The following CAPN7 variants were observed in gnomAD, a reference collection of about 807,000 sequenced individuals.
CAPN7 encodes the protein calpain 7.
A neutral mutation model predicts 115.2 loss-of-function variants in CAPN7; 72 were observed. The ratio of observed to expected loss-of-function variants is 0.63; its 90% CI spans 0.52 to 0.76. The LOEUF is 0.76. CAPN7 is among the 30% of genes least tolerant of loss of function. The pLI is 0.00. For synonymous variants in CAPN7, 344 were observed against 322.3 expected (o/e 1.07, Z -0.72); for missense variants, 905 against 971.5 (o/e 0.93, Z 0.91).
Position 15,240,549 on chromosome 3 carries a change from A to G in CAPN7, c.1484A>G (p.Lys495Arg). The change falls in exon 13 of 21, where the codon AAA becomes AGA. Residue 495 changes from lysine to arginine, a missense_variant. Transcript: ENST00000253693. The part of the protein sequence containing the change: ...WKGRYSENDV[K>R]NWTPELQKYL... ...GGAAGATACAGTGAAAATGATGTAA[A>G]AAACTGGACTCCAGAGTTGCAAAAG... 1 of 1,613,440 alleles carries G rather than the reference A, an allele frequency of 6.2e-7. No individual in the cohort carries two copies. Among genetic ancestry groups the G allele is most frequent in the Non-Finnish European group, 8.5e-7 (1 of 1,179,802 alleles).
Position 15,236,010 on chromosome 3 carries a change from A to C in CAPN7, c.1407+865A>C, listed in dbSNP as rs190553575. Among the ~76,000 whole-genome samples, 16 of 152,220 alleles carry C rather than the reference A, an allele frequency of 1.1e-4. No homozygotes were observed. The East Asian group carries it at 2.7e-3, about 26-fold the overall frequency. ...ATAGTAAGACCCCACCGCTACAAAA[A>C]ATAAAAAAAAATTAGCTGGGCATGG... On this transcript the variant is annotated intron_variant, in intron 12 of 20. Coordinates refer to ENST00000253693, the MANE Select transcript of CAPN7 (RefSeq NM_014296.3).
At chr3:15,226,485 T>C (rs1694324031) in intron 6 of CAPN7, among the ~76,000 whole-genome samples, 1 of 152,222 alleles carries the variant, frequency 6.6e-6, no homozygotes, top group African/African-American at 2.4e-5. Context: ...TGCTGAAATA[T>C]GGTTCATATG....
At chr3:15,235,253 G>C in intron 12 of CAPN7, 108 bp downstream of exon 12, 2 of 994,946 alleles carry the variant, frequency 2.0e-6, no homozygotes, top group Non-Finnish European at 2.9e-6. Context: ...GGTTTAAGTG[G>C]AGTTTATAAA....
chr3:15,223,362 C>A, intron 5 of CAPN7, 113 bp from the exon 6 acceptor site: 1 of 681,870 alleles, frequency 1.5e-6, no homozygotes. Flanking sequence ...ATGAGGTTGT[C>A]AGTTTAATTT....
intron 8 of CAPN7, 137 bp downstream of exon 8, chr3:15,229,196 T>A: frequency 1.6e-6 from 1 of 630,016 alleles, no homozygotes. Context: ...ATTAAGCAGA[T>A]GATTTATGAA....
At position 15,252,467 on chromosome 3, in the gene CAPN7, T is replaced by G. The variant is rs1696043726; in HGVS notation, c.*1207T>G. The G allele has an allele frequency of 6.6e-6, 1 of 152,492 alleles. No individual in the cohort carries two copies. Among genetic ancestry groups the G allele is most frequent in the African/African-American group, 2.4e-5 (1 of 41,454 alleles). The allele number at this position is 152,492 out of a possible 1,614,324, so 9.4% of individuals were successfully genotyped here. The stretch of plus-strand genomic sequence containing the variant: ...AATGAGATTTCACTTTGGTAAATAC[T>G]TCATGCTTTCAGTTTTAGCCTATTA... On this transcript the variant is annotated 3_prime_UTR_variant, in exon 21 of 21. Transcript: ENST00000253693.
chr3:15,220,449 T>C (rs966617486), intron 4 of CAPN7, among the ~76,000 whole-genome samples: 5 of 152,204 alleles, frequency 3.3e-5, no homozygotes, highest in Admixed American at 6.5e-5. Flanking sequence ...GTATCTGTTA[T>C]TTTTGATGCA....
At chr3:15,220,651 T>G (rs541663172) in intron 4 of CAPN7, 130 bp from the exon 5 acceptor site, 2 of 684,302 alleles carry the variant, frequency 2.9e-6, no homozygotes, top group East Asian at 5.4e-5. Flanking sequence ...TGTTGATTAG[T>G]ATGTAAGAAT....
intron 1 of CAPN7, chr3:15,210,801 G>A: frequency 7.8e-7 from 1 of 1,289,256 alleles, no homozygotes; most frequent in Non-Finnish European, 1.0e-6. Context: ...AATTTTGTTA[G>A]GTTCAGTGAA....
chr3:15,242,536 A>G (rs1171499786), intron 16 of CAPN7, among the ~76,000 whole-genome samples: 1 of 152,182 alleles, frequency 6.6e-6, no homozygotes, highest in African/African-American at 2.4e-5. Flanking sequence ...AATCAAATGT[A>G]TTCTGTGGTT....
intron 16 of CAPN7, 138 bp downstream of exon 16, chr3:15,242,391 G>A (rs1695402263): frequency 3.5e-6 from 2 of 574,364 alleles, no homozygotes; most frequent in Non-Finnish European, 5.9e-6. Context: ...AACCACTCAA[G>A]CAGATGGGTA....
rs1448788332 is a variant in CAPN7 at position 15,245,531 on chromosome 3, C to G, written c.1870C>G (p.Pro624Ala). Residue 624 changes from proline (P) to alanine (A), a missense_variant, in exon 17 of 21, where the codon CCA becomes GCA. Pro to Ala is a conservative substitution (Grantham distance 27). Transcript: ENST00000253693. ...GCCTACTTGTTTGTTTGCAGCTGAC[C>G]CACCTCCATACATTGATGGAATTCG... is the stretch of plus-strand genomic sequence containing the variant. ...DGKKVYYPAD[P>A]PPYIDGIRIN... The G allele has an allele frequency of 6.2e-7, 1 of 1,611,566 alleles. No individual in the cohort carries two copies. Among genetic ancestry groups the G allele is most frequent in the Admixed American group, 1.7e-5 (1 of 59,582 alleles).
At chr3:15,213,242 T>A (rs1575158724) in intron 2 of CAPN7, among the ~76,000 whole-genome samples, 1 of 152,246 alleles carries the variant, frequency 6.6e-6, no homozygotes, top group East Asian at 1.9e-4. Context: ...AATAAAATTA[T>A]CTTTGAAGTA....
intron 5 of CAPN7, among the ~76,000 whole-genome samples, chr3:15,222,025 GTA>G (rs1316858494): frequency 2.0e-5 from 3 of 148,464 alleles, no homozygotes; most frequent in African/African-American, 5.0e-5. Context: ...ATACGTATAC[GTA>G]TATATATATG....
chr3:15,216,656 A>G (rs143536865), intron 2 of CAPN7, among the ~76,000 whole-genome samples: 47 of 152,290 alleles, frequency 3.1e-4, no homozygotes, highest in African/African-American at 1.1e-3. Flanking sequence ...AGAGCCTAGT[A>G]TATTACACAA....
chr3:15,238,108 C>CTTTTTTTTTTTTT (rs34203410), intron 12 of CAPN7, among the ~76,000 whole-genome samples: 2 of 58,188 alleles, frequency 3.4e-5, no homozygotes, highest in Non-Finnish European at 5.9e-5. Context: ...ATTCTGACTT[C>CTTTTTTTTTTTTT]TTTTTTTTTT....
intron 1 of CAPN7, among the ~76,000 whole-genome samples, chr3:15,207,241 G>A: frequency 6.6e-6 from 1 of 152,144 alleles, no homozygotes; most frequent in Non-Finnish European, 1.5e-5. Context: ...ACATGCAGTG[G>A]TAAGTATTTG....
intron 12 of CAPN7, among the ~76,000 whole-genome samples, chr3:15,239,155 T>G (rs1695190471): frequency 6.6e-6 from 1 of 152,196 alleles, no homozygotes; most frequent in Non-Finnish European, 1.5e-5. Flanking sequence ...ACTGTATTAA[T>G]GAAGCTTCTA....
intron 1 of CAPN7, 43 bp downstream of exon 1, chr3:15,206,640 A>T: frequency 8.4e-6 from 12 of 1,432,498 alleles, no homozygotes; most frequent in Non-Finnish European, 1.1e-5. Context: ...GCTCAGTCGG[A>T]GTGCGGCCCG....
Sources: gnomAD v4.1 joint callset for allele counts (sites outside exome capture counted in the v4.1 genomes callset) on GRCh38, gnomAD v4.1.1 for gene constraint, MANE v1.5 for transcripts, NCBI Gene and HGNC (gene_info 2026-07-23, HGNC 2026-07-21) for gene names.